The following ACTR5 variants were observed in gnomAD, a reference collection of about 807,000 sequenced individuals.
ACTR5 encodes actin-related protein 5.
A neutral mutation model predicts 61.2 loss-of-function variants in ACTR5; 43 were observed. The observed-to-expected ratio is 0.70, with a 90% CI of 0.55 to 0.91. The LOEUF (loss-of-function observed/expected upper bound fraction) is 0.91, where lower values mean the gene tolerates loss of function less well. ACTR5 is among the 40% of genes least tolerant of loss of function. The probability of loss-of-function intolerance (pLI) is 0.00; values close to 1 mark genes in which losing one functional copy is unlikely to be tolerated. For synonymous variants in ACTR5, 333 were observed against 310.5 expected, an observed-to-expected ratio of 1.07 and a Z score of -0.76; for missense variants, 798 against 782.2, an observed-to-expected ratio of 1.02 and a Z score of -0.24.
intron 5 of ACTR5, among the ~76,000 whole-genome samples, chr20:38,756,756 T>C (rs764005851): frequency 1.3e-5 from 2 of 152,158 alleles, no homozygotes; most frequent in Non-Finnish European, 2.9e-5. Context: ...AATACAAAAT[T>C]AGCTGAGTGT....
Position 38,771,964 on chromosome 20 carries a change from T to A in ACTR5, c.*148T>A. The A allele has an allele frequency of 8.7e-7, 1 of 1,148,136 alleles. No homozygotes were observed. The highest frequency in any genetic ancestry group is 1.2e-6 in the Non-Finnish European group (1 of 835,284). The allele number at this position is 1,148,136 out of a possible 1,614,324, so 71.1% of individuals were successfully genotyped here. On this transcript the variant is annotated 3_prime_UTR_variant, in exon 9 of 9. Transcript: ENST00000243903. ...GGATTTCTCCTGGGGAGAACAAAGT[T>A]AAGGGACACTGAGACCTGCCCTTCA...
In ACTR5 at chr20:38,748,841, T is replaced by C. The variant is rs772759893; in HGVS notation, c.363T>C (p.Gly121=). The change falls in exon 1 of 9, where the codon GGT becomes GGC. Residue 121 remains glycine (G), a synonymous_variant. Transcript: ENST00000243903. ...LLLDYSFQHL[G]VSSQGCVDHP... ...TGGACTACAGCTTCCAGCACCTGGG[T>C]GTCTCCTCACAGGTGAAGGGCGGAG... is the stretch of plus-strand genomic sequence containing the variant. 6.2e-7 allele frequency: 1 copy of C among 1,607,498 alleles called. No homozygotes were observed. Among genetic ancestry groups the C allele is most frequent in the South Asian group, 1.1e-5 (1 of 90,778 alleles).
rs963370788 is a variant in ACTR5, at chr20:38,749,677, G to A, written c.376-333G>A. On this transcript the variant is annotated intron_variant, in intron 1 of 8. Transcript: ENST00000243903. Reference sequence around the variant, plus strand: ...AACAGGGACGAGTTAGGAGGCTGTTGGAATAACCCAGGTAAGGGATGATGG... The same window carrying A: ...AACAGGGACGAGTTAGGAGGCTGTTAGAATAACCCAGGTAAGGGATGATGG... Among the ~76,000 whole-genome samples the A allele has an allele frequency of 3.9e-5, 6 of 152,318 alleles. No homozygotes were observed. In the South Asian group the frequency reaches 1.2e-3, roughly 32 times the overall value.
intron 5 of ACTR5, among the ~76,000 whole-genome samples, chr20:38,756,252 A>T (rs2084419564): frequency 6.6e-6 from 1 of 152,224 alleles, no homozygotes; most frequent in Non-Finnish European, 1.5e-5. Flanking sequence ...CAGAAAGTGC[A>T]TTTAACGTAG....
rs1439918382 is a variant in ACTR5 at position 38,748,490 on chromosome 20, C to G, written c.12C>G (p.Asn4Lys). 3 of 1,489,516 alleles carry G rather than the reference C, an allele frequency of 2.0e-6. No individual in the cohort carries two copies. Among genetic ancestry groups the G allele is most frequent in the Non-Finnish European group, 1.8e-6 (2 of 1,127,094 alleles). 92.3% of individuals were successfully genotyped at this position (1,489,516 alleles called of 1,614,324 possible). A position where few individuals can be genotyped will look rare whatever the true frequency, so the allele number is the denominator to read the frequency against. MAA[N>K]VFPFRDARAA... The stretch of plus-strand genomic sequence containing the variant: ...ACGCGCGCTCCAAGATGGCGGCGAA[C>G]GTGTTCCCGTTCCGCGACGCCCGTG... The change falls in exon 1 of 9, where the codon AAC (asparagine) becomes AAG (lysine). Residue 4 changes from asparagine to lysine, a missense_variant. By Grantham distance (94) the Asn-to-Lys change is moderately conservative. Transcript: ENST00000243903.
At position 38,771,974 on chromosome 20, in the gene ACTR5, T is replaced by A. The variant is rs759174664; in HGVS notation, c.*158T>A. 5.8e-6 allele frequency: 6 copies of A among 1,039,982 alleles called. No individual in the cohort carries two copies. Among genetic ancestry groups the A allele is most frequent in the Non-Finnish European group, 8.1e-6 (6 of 738,128 alleles). The allele number at this position is 1,039,982 out of a possible 1,614,324, so 64.4% of individuals were successfully genotyped here. On this transcript the variant is annotated 3_prime_UTR_variant, in exon 9 of 9. Coordinates refer to ENST00000243903, the MANE Select transcript of ACTR5 (RefSeq NM_024855.4). ...TGGGGAGAACAAAGTTAAGGGACAC[T>A]GAGACCTGCCCTTCAGAATTCGGTT...
intron 3 of ACTR5, among the ~76,000 whole-genome samples, chr20:38,752,917 A>G (rs2084395483): frequency 6.8e-6 from 1 of 146,974 alleles, no homozygotes. Flanking sequence ...CAAAAACTGC[A>G]TCTTTTTTTT....
chr20:38,761,974 C>G (rs6124011), intron 5 of ACTR5: 12,318 of 152,238 alleles, frequency 0.081, 550 homozygotes, highest in Admixed American at 0.13. Flanking sequence ...CTCCTGCCCC[C>G]CTGGAGCATA....
intron 3 of ACTR5, 134 bp downstream of exon 3, chr20:38,752,434 CTA>C (rs1568634224): frequency 5.8e-6 from 6 of 1,034,602 alleles, no homozygotes; most frequent in Non-Finnish European, 6.7e-6. Context: ...CTTTCTTAAA[CTA>C]TTCAGTAAAC....
At chr20:38,770,882 T>C (rs911722) in intron 8 of ACTR5, among the ~76,000 whole-genome samples, 63,382 of 152,070 alleles carry the variant, frequency 0.42, 13,233 homozygotes, top group Middle Eastern at 0.49. Flanking sequence ...ATCACCATTC[T>C]AACCTGGAAC....
At position 38,748,858 on chromosome 20, in the gene ACTR5, A is replaced by G; in HGVS notation, c.375+5A>G. The G allele has an allele frequency of 3.1e-6, 5 of 1,603,470 alleles. No homozygotes were observed. In the South Asian group the frequency reaches 3.3e-5, roughly 11 times the overall value. On this transcript the variant is annotated splice_donor_5th_base_variant and intron_variant, in intron 1 of 8. Transcript: ENST00000243903. Reference sequence around the variant, plus strand: ...CACCTGGGTGTCTCCTCACAGGTGAAGGGCGGAGTAGGCTGGGCTGGGCTG... The same window carrying G: ...CACCTGGGTGTCTCCTCACAGGTGAGGGGCGGAGTAGGCTGGGCTGGGCTG...
chr20:38,771,281 C>T (rs1375351572), intron 8 of ACTR5, among the ~76,000 whole-genome samples: 1 of 152,238 alleles, frequency 6.6e-6, no homozygotes, highest in African/African-American at 2.4e-5. Context: ...TTGACAGCAT[C>T]AGGCAGCAGG....
chr20:38,752,066 C>T lies in ACTR5; in HGVS notation c.606-65C>T, dbSNP rs1391512589. ...ATCTGCCTTAAATTATCTTGTTTCT[C>T]CCAAGATGCTCCATATTTCTGTCCT... On this transcript the variant is annotated intron_variant, in intron 2 of 8. Coordinates refer to ENST00000243903, the MANE Select transcript of ACTR5 (RefSeq NM_024855.4). The T allele has an allele frequency of 2.0e-6, 3 of 1,528,146 alleles. No homozygotes were observed. The African/African-American group carries it at 4.1e-5, about 21-fold the overall frequency. 94.7% of individuals were successfully genotyped at this position (1,528,146 alleles called of 1,614,324 possible).
rs201742432 is a variant in ACTR5 at position 38,752,334 on chromosome 20, G to A, written c.775+34G>A. 159 of 1,570,142 alleles carry A rather than the reference G, an allele frequency of 1.0e-4. 1 individual carries two copies. In the East Asian group the frequency reaches 1.9e-3, roughly 19 times the overall value. On this transcript the variant is annotated intron_variant, in intron 3 of 8. Transcript: ENST00000243903. The stretch of plus-strand genomic sequence containing the variant: ...GAGGATGTTTGCCTGCAGCTTTTGG[G>A]TGTTGTCTACCTTGTATTCCTTAAA...
chr20:38,771,709 A>T lies in ACTR5; in HGVS notation c.1717A>T (p.Ile573Phe), dbSNP rs145066375. ...EYLKEHCASN[I>F]YVPIRLPKQA... Reference sequence around the variant, plus strand: ...CCTCAAGGAGCACTGTGCTTCCAACATCTATGTCCCCATCCGCCTGCCGAA... The same window carrying T: ...CCTCAAGGAGCACTGTGCTTCCAACTTCTATGTCCCCATCCGCCTGCCGAA... The change falls in exon 9 of 9, where the codon ATC (isoleucine) becomes TTC (phenylalanine). Residue 573 changes from isoleucine to phenylalanine, a missense_variant. Coordinates refer to ENST00000243903, the MANE Select transcript of ACTR5 (RefSeq NM_024855.4). 3.7e-6 allele frequency: 6 copies of T among 1,614,086 alleles called. No homozygotes were observed. In the African/African-American group the frequency reaches 6.7e-5, roughly 18 times the overall value.
chr20:38,754,523 C>T (rs1168668554), intron 3 of ACTR5, among the ~76,000 whole-genome samples: 1 of 151,748 alleles, frequency 6.6e-6, no homozygotes, highest in African/African-American at 2.4e-5. Context: ...TCAAGACCAT[C>T]CTGGGTAACA....
chr20:38,750,167 A>G lies in ACTR5; in HGVS notation c.533A>G (p.Asn178Ser). ...LFSFYHNKPK[N>S]SMCSGLIISS... ...AGCTTCTACCACAATAAGCCAAAGAACTCGATGTGCAGTGGGCTAATCATT... is the reference window on the plus strand; with the variant it reads ...AGCTTCTACCACAATAAGCCAAAGAGCTCGATGTGCAGTGGGCTAATCATT... The change falls in exon 2 of 9, where the codon AAC (asparagine) becomes AGC (serine). Residue 178 changes from asparagine (N) to serine (S), a missense_variant. Transcript: ENST00000243903. The G allele has an allele frequency of 2.5e-6, 4 of 1,614,106 alleles. No homozygotes were observed. The highest frequency in any genetic ancestry group is 2.5e-6 in the Non-Finnish European group (3 of 1,180,020).
chr20:38,756,017 A>T lies in ACTR5; in HGVS notation c.1154A>T (p.Asp385Val). ...CAAGCGGAAGTCAACCTCGAGGTGG[A>T]TGTGGTAGACAGCAAGCCAGAGGTA... ...ILQAEVNLEV[D>V]VVDSKPETPD... The change falls in exon 5 of 9, where the codon GAT becomes GTT. Residue 385 changes from aspartate (D) to valine (V), a missense_variant. Transcript: ENST00000243903. 3.7e-6 allele frequency: 6 copies of T among 1,613,154 alleles called. No individual in the cohort carries two copies. Among genetic ancestry groups the T allele is most frequent in the Non-Finnish European group, 5.1e-6 (6 of 1,179,930 alleles).
chr20:38,771,480 CG>C (rs2084519622), intron 8 of ACTR5, 78 bp from the exon 9 acceptor site: 1 of 1,544,186 alleles, frequency 6.5e-7, no homozygotes, highest in Non-Finnish European at 8.8e-7. Flanking sequence ...GATAAAATAT[CG>C]GGGGCTGTAG....
Sources: allele counts gnomAD v4.1 joint callset (sites outside exome capture counted in the v4.1 genomes callset), GRCh38; gene constraint gnomAD v4.1.1; transcripts MANE v1.5; gene names NCBI Gene and HGNC (gene_info 2026-07-23, HGNC 2026-07-21).